JMJD1C: variants seen among roughly 807,000 people sequenced by gnomAD.
The protein encoded by JMJD1C is jumonji domain containing 1C, also known as jumonji domain-containing protein 1C.
In JMJD1C, 31 loss-of-function variants were observed where a neutral mutation model predicts 245.3. The ratio of observed to expected loss-of-function variants is 0.13; its 90% CI spans 0.09 to 0.17. JMJD1C has a LOEUF of 0.17. Among genes scored for constraint, JMJD1C ranks in the 10% least tolerant of loss-of-function variants. JMJD1C has a pLI of 1.00. For synonymous variants in JMJD1C, 1,057 were observed against 1,017.4 expected (o/e 1.04, Z -0.74); for missense variants, 2,691 against 3,000.2 (o/e 0.90, Z 2.41).
intron 1 of JMJD1C, among the ~76,000 whole-genome samples, chr10:63,425,014 T>C (rs1017424741): frequency 6.6e-6 from 1 of 152,190 alleles, no homozygotes; most frequent in Non-Finnish European, 1.5e-5. Flanking sequence ...TGAAAATATC[T>C]TTCCATAATT....
intron 1 of JMJD1C, among the ~76,000 whole-genome samples, chr10:63,461,929 A>G (rs978615024): frequency 2.6e-5 from 4 of 152,194 alleles, no homozygotes; most frequent in African/African-American, 9.6e-5. Flanking sequence ...TAATATTACA[A>G]TATTATTCAA....
At chr10:63,225,510 G>A (rs1459540467) in intron 3 of JMJD1C, among the ~76,000 whole-genome samples, 3 of 152,206 alleles carry the variant, frequency 2.0e-5, no homozygotes, top group Non-Finnish European at 2.9e-5. Flanking sequence ...AAGGCCAGGC[G>A]CGGTGGCTCA....
intron 2 of JMJD1C, among the ~76,000 whole-genome samples, chr10:63,295,871 A>G (rs1859311502): frequency 1.3e-5 from 2 of 150,580 alleles, no homozygotes; most frequent in South Asian, 4.2e-4. Context: ...TTTCTGCTTA[A>G]CCACACTATA....
intron 2 of JMJD1C, among the ~76,000 whole-genome samples, chr10:63,348,738 C>T (rs1944070801): frequency 6.6e-6 from 1 of 152,098 alleles, no homozygotes; most frequent in Non-Finnish European, 1.5e-5. Context: ...GGGACGTATC[C>T]TTTGAATGGC....
chr10:63,495,147 G>C (rs1262043880), intron 1 of JMJD1C, among the ~76,000 whole-genome samples: 1 of 151,292 alleles, frequency 6.6e-6, no homozygotes, highest in Non-Finnish European at 1.5e-5. Context: ...AACAATGAAT[G>C]CCTCGGGCAC....
At chr10:63,310,023 T>C (rs1340458548) in intron 2 of JMJD1C, among the ~76,000 whole-genome samples, 1 of 152,164 alleles carries the variant, frequency 6.6e-6, no homozygotes, top group Non-Finnish European at 1.5e-5. Context: ...TTTCTCTATA[T>C]CAGTATTTAC....
At chr10:63,506,995 G>T (rs74137766) in intron 1 of JMJD1C, among the ~76,000 whole-genome samples, 3,247 of 152,110 alleles carry the variant, frequency 0.021, 114 homozygotes, top group African/African-American at 0.073. Flanking sequence ...GCCTTTTCTA[G>T]ATGTCATGCA....
intron 3 of JMJD1C, among the ~76,000 whole-genome samples, chr10:63,229,152 TATAA>T (rs1257931147): frequency 1.3e-5 from 2 of 152,068 alleles, no homozygotes; most frequent in Admixed American, 1.3e-4. Flanking sequence ...TACATATAAA[TATAA>T]ATAAATACTT....
chr10:63,231,574 A>C (rs1358594346), intron 3 of JMJD1C, among the ~76,000 whole-genome samples: 2 of 152,150 alleles, frequency 1.3e-5, no homozygotes, highest in African/African-American at 4.8e-5. Flanking sequence ...CGGGCAGATC[A>C]CTTGAAGTCA....
In JMJD1C at chr10:63,499,895, T is replaced by G. The variant is rs149181101; in HGVS notation, n.113+21843A>C. 9.5e-4 allele frequency among the ~76,000 whole-genome samples: 144 copies of G among 152,370 alleles called. 1 individual carries two copies. The highest frequency in any genetic ancestry group is 3.4e-3 in the African/African-American group (142 of 41,592). ...TTGTTTTAGGTGAAGCTATGTACTT[T>G]AAAATGCTTTACATGATATTTATAA... On this transcript the variant is annotated intron_variant and non_coding_transcript_variant, in intron 1 of 3. Transcript: ENST00000633035.
intron 3 of JMJD1C, among the ~76,000 whole-genome samples, chr10:63,240,225 T>C (rs1851312587): frequency 6.6e-6 from 1 of 151,720 alleles, no homozygotes; most frequent in South Asian, 2.1e-4. Flanking sequence ...CGGCTTAGGG[T>C]GAGTAGTGAA....
chr10:63,391,542 A>AACAAC (rs1232814245), intron 1 of JMJD1C, among the ~76,000 whole-genome samples: 1 of 138,216 alleles, frequency 7.2e-6, no homozygotes. Context: ...ACAACAACAA[A>AACAAC]AAAGACAATT....
intron 3 of JMJD1C, among the ~76,000 whole-genome samples, chr10:63,235,478 C>T (rs150329314): frequency 2.0e-5 from 3 of 152,104 alleles, no homozygotes; most frequent in Admixed American, 2.0e-4. Flanking sequence ...GCCTGGGCAG[C>T]AAGAACAAAA....
chr10:63,185,084 GT>G (rs1843971566), intron 20 of JMJD1C, among the ~76,000 whole-genome samples: 1 of 151,608 alleles, frequency 6.6e-6, no homozygotes, highest in South Asian at 2.1e-4. Flanking sequence ...TTCCTTCACT[GT>G]CCTAACATAA....
rs766885486 is a variant in JMJD1C at position 63,192,946 on chromosome 10, T to C, written c.6068A>G (p.Glu2023Gly). Residue 2023 changes from glutamate to glycine, a missense_variant, in exon 16 of 26, where the codon GAA (glutamate) becomes GGA (glycine). Around this residue, in one of 9 missense-constraint regions of JMJD1C, gnomAD observed 275 missense variants for 285.5 expected, o/e 0.96. Coordinates refer to ENST00000399262, the MANE Select transcript of JMJD1C (RefSeq NM_032776.3). ...TAATCAATTATGTTTACCTTTTTTT[T>C]CCTCTCTGGCTTTTTGCTCTGCAAG... ...ADLAEQKARE[E>G]KKENKELTLE... 3 of 1,613,184 alleles carry C rather than the reference T, an allele frequency of 1.9e-6. No individual in the cohort carries two copies. Among genetic ancestry groups the C allele is most frequent in the Admixed American group, 1.7e-5 (1 of 60,020 alleles).
chr10:63,267,271 T>G (rs999506118), intron 2 of JMJD1C, among the ~76,000 whole-genome samples: 3 of 152,086 alleles, frequency 2.0e-5, no homozygotes, highest in Non-Finnish European at 2.9e-5. Context: ...TAAGGAAAAA[T>G]GAAAGGCAAA....
intron 2 of JMJD1C, chr10:63,269,163 T>C (rs1855989770): frequency 1.0e-6 from 1 of 985,334 alleles, no homozygotes; most frequent in African/African-American, 1.7e-5. Flanking sequence ...CACTGTACTC[T>C]GTCTGCGTGG....
chr10:63,477,884 T>TA (rs200458828), intron 1 of JMJD1C, among the ~76,000 whole-genome samples: 4 of 151,640 alleles, frequency 2.6e-5, no homozygotes, highest in African/African-American at 7.3e-5. Context: ...AACTCAATAA[T>TA]AAAAAAAACA....
intron 2 of JMJD1C, among the ~76,000 whole-genome samples, chr10:63,358,591 A>C (rs1281964708): frequency 1.3e-5 from 2 of 152,104 alleles, no homozygotes; most frequent in African/African-American, 4.8e-5. Flanking sequence ...AAAATTATGA[A>C]AACTCAGTAA....
Sources: allele counts gnomAD v4.1 joint callset (sites outside exome capture counted in the v4.1 genomes callset), GRCh38; gene constraint gnomAD v4.1.1; regional missense constraint gnomAD v4.1.1; transcripts MANE v1.5; gene names NCBI Gene and HGNC (gene_info 2026-07-23, HGNC 2026-07-21).